The following EML1 variants were observed in gnomAD, a reference collection of about 807,000 sequenced individuals.
EML1 encodes EMAP like 1.
EML1 carries 27 observed loss-of-function variants against 110.4 expected under a neutral mutation model. The ratio of observed to expected loss-of-function variants is 0.24; its 90% CI spans 0.18 to 0.34. The LOEUF is 0.34. Ranked by LOEUF, EML1 falls within the 10% of genes least tolerant of loss-of-function variation. The pLI, the probability that EML1 is intolerant of heterozygous loss-of-function variation, is 1.00. For synonymous variants in EML1, 344 were observed against 385.8 expected (o/e 0.89, Z 1.27); for missense variants, 741 against 1,030.9 (o/e 0.72, Z 3.85).
At chr14:99,830,300 A>G (rs1248933211) in intron 1 of EML1, among the ~76,000 whole-genome samples, 1 of 152,162 alleles carries the variant, frequency 6.6e-6, no homozygotes, top group Non-Finnish European at 1.5e-5. Context: ...TTCTTAGAGA[A>G]ACATCTATTT....
intron 1 of EML1, among the ~76,000 whole-genome samples, chr14:99,780,224 T>C (rs2057524711): frequency 6.6e-6 from 1 of 152,040 alleles, no homozygotes; most frequent in Non-Finnish European, 1.5e-5. Flanking sequence ...CTAAATACAG[T>C]CACATTGGGG....
intron 20 of EML1, among the ~76,000 whole-genome samples, chr14:99,938,879 C>G (rs1339899297): frequency 2.6e-5 from 4 of 152,234 alleles, no homozygotes; most frequent in Non-Finnish European, 5.9e-5. Flanking sequence ...AGAGGTGTCA[C>G]TTTGGAACTG....
At chr14:99,828,896 G>A (rs911160784) in intron 1 of EML1, among the ~76,000 whole-genome samples, 3 of 152,022 alleles carry the variant, frequency 2.0e-5, no homozygotes, top group Admixed American at 6.6e-5. Context: ...CTTCATCCTC[G>A]TCGTCTTCAC....
intron 8 of EML1, among the ~76,000 whole-genome samples, chr14:99,898,662 G>A (rs1029406901): frequency 6.6e-6 from 1 of 150,920 alleles, no homozygotes; most frequent in Non-Finnish European, 1.5e-5. Flanking sequence ...TGAAGCAGGA[G>A]AATCACTTGA....
At position 99,936,833 on chromosome 14, in the gene EML1, G is replaced by A. The variant is rs2060482211; in HGVS notation, c.2095+499G>A. Among the ~76,000 whole-genome samples the A allele has an allele frequency of 6.6e-6, 1 of 152,192 alleles. No homozygotes were observed. The highest frequency in any genetic ancestry group is 1.5e-5 in the Non-Finnish European group (1 of 68,028). ...CCCAGGCAGTGCTTGGGAACAGCGA[G>A]GATGATCGTGGCGGGCACTTACAAG... is the stretch of plus-strand genomic sequence containing the variant. On this transcript the variant is annotated intron_variant, in intron 19 of 21. Transcript: ENST00000262233. This position sits in a 1 kb window ranked among gnomAD's most constrained non-coding sequence, Gnocchi z 5.5.
chr14:99,905,174 G>A lies in EML1; in HGVS notation c.1009-2464G>A, dbSNP rs1219534429. ...CCAGCTGGCTGCACCACAGCCCTAGGGGCCAAGCCACATCATAAAGGAAAA... is the reference window on the plus strand; with the variant it reads ...CCAGCTGGCTGCACCACAGCCCTAGAGGCCAAGCCACATCATAAAGGAAAA... On this transcript the variant is annotated intron_variant, in intron 9 of 21. Coordinates refer to ENST00000262233, the MANE Select transcript of EML1 (RefSeq NM_004434.3). The surrounding 1 kb of genome is among the most constrained non-coding windows in gnomAD (Gnocchi z 4.1). Among the ~76,000 whole-genome samples, 1 of 152,132 alleles carries A rather than the reference G, an allele frequency of 6.6e-6. No homozygotes were observed. The highest frequency in any genetic ancestry group is 1.5e-5 in the Non-Finnish European group (1 of 68,032).
At chr14:99,753,479 G>A (rs1483348509) in intron 1 of EML1, among the ~76,000 whole-genome samples, 2 of 151,790 alleles carry the variant, frequency 1.3e-5, no homozygotes, top group African/African-American at 4.8e-5. Context: ...TTTCTCACCT[G>A]GTGCCTGTCA....
intron 17 of EML1, among the ~76,000 whole-genome samples, chr14:99,935,473 A>T (rs1223206547): frequency 1.3e-5 from 2 of 151,914 alleles, no homozygotes; most frequent in African/African-American, 4.8e-5. Flanking sequence ...TCAAAAGAAA[A>T]AAAAAAAGAG....
intron 13 of EML1, among the ~76,000 whole-genome samples, chr14:99,913,552 A>G (rs2059981420): frequency 6.6e-6 from 1 of 152,246 alleles, no homozygotes; most frequent in Non-Finnish European, 1.5e-5. Flanking sequence ...ACTAACCAGT[A>G]GCATTCCTTA....
intron 2 of EML1, among the ~76,000 whole-genome samples, chr14:99,862,165 G>C (rs1424468298): frequency 6.6e-6 from 1 of 152,126 alleles, no homozygotes; most frequent in African/African-American, 2.4e-5. Context: ...CCTTGGCTTC[G>C]CCTGATGTTT....
At chr14:99,869,844 C>T (rs2059164897) in intron 3 of EML1, among the ~76,000 whole-genome samples, 3 of 152,216 alleles carry the variant, frequency 2.0e-5, no homozygotes, top group Admixed American at 2.0e-4. Context: ...TGCTCCCTCT[C>T]TTGCCAAAGG....
At chr14:99,777,347 G>A (rs1338637008) in intron 1 of EML1, among the ~76,000 whole-genome samples, 2 of 152,150 alleles carry the variant, frequency 1.3e-5, no homozygotes, top group East Asian at 3.9e-4. Flanking sequence ...CCTACCTCCC[G>A]GAAGCAGTTA....
intron 1 of EML1, among the ~76,000 whole-genome samples, chr14:99,796,221 AGAGAGAGAG>A (rs2057770808): frequency 7.3e-6 from 1 of 136,506 alleles, no homozygotes; most frequent in Non-Finnish European, 1.6e-5. Context: ...AGAGAGAGAG[AGAGAGAGAG>A]AAGATAATGT....
chr14:99,841,692 T>G (rs2058636748), intron 1 of EML1, among the ~76,000 whole-genome samples: 1 of 152,158 alleles, frequency 6.6e-6, no homozygotes, highest in Non-Finnish European at 1.5e-5. Context: ...TTCAGAGTGG[T>G]TGGCCAGCTA....
chr14:99,840,390 G>A (rs901287028), intron 1 of EML1, among the ~76,000 whole-genome samples: 1 of 152,154 alleles, frequency 6.6e-6, no homozygotes, highest in African/African-American at 2.4e-5. Context: ...GCTCACCCTC[G>A]GCTGGCCACA....
intron 1 of EML1, among the ~76,000 whole-genome samples, chr14:99,817,871 A>G (rs1056236710): frequency 2.6e-5 from 4 of 152,012 alleles, no homozygotes; most frequent in Non-Finnish European, 5.9e-5. Context: ...GCTCTGCTAG[A>G]GTGTAGGTGG....
At position 99,901,521 on chromosome 14, in the gene EML1, A is replaced by G. The variant is rs561719412; in HGVS notation, c.1008+482A>G. ...AAAGTAAAACACTAAAAGAATGTCT[A>G]CTCTATAGAGCAGCCCTGAGGTCTG... On this transcript the variant is annotated intron_variant, in intron 9 of 21. Coordinates refer to ENST00000262233, the MANE Select transcript of EML1 (RefSeq NM_004434.3). Among the ~76,000 whole-genome samples the G allele has an allele frequency of 3.3e-5, 5 of 152,228 alleles. No individual in the cohort carries two copies. The East Asian group carries it at 7.7e-4, about 24-fold the overall frequency.
intron 1 of EML1, among the ~76,000 whole-genome samples, chr14:99,846,055 AAAAAAAAAAAG>A (rs2058702374): frequency 6.6e-6 from 1 of 150,536 alleles, no homozygotes; most frequent in Non-Finnish European, 1.5e-5. Flanking sequence ...GTCTCAAAAA[AAAAAAAAAAAG>A]AAAAGAAAAA....
Position 99,900,934 on chromosome 14 carries a change from G to A in EML1, c.903G>A (p.Leu301=), listed in dbSNP as rs1168540998. ...VAGTSKDGKQ[L]PPHVRIWDSV... ...TGTGTTTCTTTTCTGAACAGCAATTGCCCCCACATGTGCGCATCTGGGATT... is the reference window on the plus strand; with the variant it reads ...TGTGTTTCTTTTCTGAACAGCAATTACCCCCACATGTGCGCATCTGGGATT... The change falls in exon 9 of 22, where the codon TTG becomes TTA. Residue 301 remains leucine, a synonymous_variant. Transcript: ENST00000262233. 3 of 1,613,772 alleles carry A rather than the reference G, an allele frequency of 1.9e-6. No homozygotes were observed. Among genetic ancestry groups the A allele is most frequent in the Admixed American group, 1.7e-5 (1 of 59,996 alleles).
Sources: allele counts gnomAD v4.1 joint callset (sites outside exome capture counted in the v4.1 genomes callset), GRCh38; gene constraint gnomAD v4.1.1; non-coding constraint Gnocchi (gnomAD v3.1); transcripts MANE v1.5; gene names NCBI Gene and HGNC (gene_info 2026-07-23, HGNC 2026-07-21).